The following ASCC3 variants were observed in gnomAD, a reference collection of about 807,000 sequenced individuals.
ASCC3 encodes the protein activating signal cointegrator 1 complex subunit 3, also known as ASC-1 complex subunit P200.
In ASCC3, 158 loss-of-function variants were observed where a neutral mutation model predicts 256.3. The ratio of observed to expected loss-of-function variants is 0.62; its 90% confidence interval spans 0.54 to 0.70. The LOEUF (loss-of-function observed/expected upper bound fraction) is 0.70, where lower values mean the gene tolerates loss of function less well. Among genes scored for constraint, ASCC3 ranks in the 30% least tolerant of loss-of-function variants. The pLI is 0.00. For synonymous variants in ASCC3, 948 were observed against 883.4 expected (o/e 1.07, Z -1.30); for missense variants, 2,259 against 2,626.0 (o/e 0.86, Z 3.05).
intron 10 of ASCC3, among the ~76,000 whole-genome samples, chr6:100,755,201 A>G (rs1486471176): frequency 6.6e-6 from 1 of 152,178 alleles, no homozygotes; most frequent in Admixed American, 6.5e-5. Flanking sequence ...ATGTTCTGGA[A>G]CAGCATTTCT....
chr6:100,592,627 T>C (rs750254050), intron 34 of ASCC3, among the ~76,000 whole-genome samples: 12 of 152,104 alleles, frequency 7.9e-5, no homozygotes, highest in Non-Finnish European at 1.5e-4. Flanking sequence ...TTATATGCTC[T>C]CGATTAGTAG....
At chr6:100,518,562 T>C (rs960642748) in intron 37 of ASCC3, among the ~76,000 whole-genome samples, 5 of 152,096 alleles carry the variant, frequency 3.3e-5, no homozygotes, top group Admixed American at 6.6e-5. Context: ...AAGGAGATAG[T>C]TTTTCTTGCC....
chr6:100,547,641 A>G (rs1477188183), intron 36 of ASCC3, among the ~76,000 whole-genome samples: 2 of 152,052 alleles, frequency 1.3e-5, no homozygotes, highest in African/African-American at 4.8e-5. Context: ...GTGACATAGC[A>G]AGTGTTGGAG....
Position 100,512,709 on chromosome 6 carries a change from C to T in ASCC3, c.6285G>A (p.Lys2095=). Residue 2095 remains lysine (K), a splice_region_variant and synonymous_variant, in exon 40 of 42, where the codon AAG becomes AAA. Coordinates refer to ENST00000369162, the MANE Select transcript of ASCC3 (RefSeq NM_006828.4). ...TGAGAATGGAAACCAAACACTATAC[C>T]TTGTGGAACCCAAAGTGGACTCTCT... is the stretch of plus-strand genomic sequence containing the variant. The part of the protein sequence containing the change: ...SLQRVHFGFH[K]GKPESCAVTP... 6.2e-7 allele frequency: 1 copy of T among 1,613,966 alleles called. No homozygotes were observed. The highest frequency in any genetic ancestry group is 8.5e-7 in the Non-Finnish European group (1 of 1,179,896).
chr6:100,651,414 G>A (rs1194101061), intron 19 of ASCC3, 146 bp downstream of exon 19: 1 of 359,362 alleles, frequency 2.8e-6, no homozygotes, highest in East Asian at 4.6e-5. Flanking sequence ...ATCTAGGACA[G>A]TGGGTCTTAT....
intron 36 of ASCC3, among the ~76,000 whole-genome samples, chr6:100,580,689 G>A (rs1385347958): frequency 5.9e-5 from 9 of 151,356 alleles, no homozygotes; most frequent in Middle Eastern, 6.8e-3. Flanking sequence ...CCACTAACTC[G>A]TCATCTAGCA....
intron 13 of ASCC3, among the ~76,000 whole-genome samples, chr6:100,708,662 G>T (rs1421680747): frequency 6.6e-6 from 1 of 151,900 alleles, no homozygotes; most frequent in African/African-American, 2.4e-5. Context: ...ACAGTACACA[G>T]GACACACCCT....
At chr6:100,750,939 G>A (rs1347382392) in intron 10 of ASCC3, among the ~76,000 whole-genome samples, 1 of 151,900 alleles carries the variant, frequency 6.6e-6, no homozygotes, top group East Asian at 1.9e-4. Context: ...CTTGGGGCAG[G>A]GTTTCTTCAC....
At chr6:100,689,850 T>G (rs993400221) in intron 13 of ASCC3, among the ~76,000 whole-genome samples, 3 of 152,240 alleles carry the variant, frequency 2.0e-5, no homozygotes, top group African/African-American at 7.2e-5. Flanking sequence ...TTTTTGATAG[T>G]GTTATAGAAA....
chr6:100,720,536 A>C lies in ASCC3; in HGVS notation c.1903-2285T>G, dbSNP rs557662792. ...TCAAGTTAGATTAGTTTCGTTTTTG[A>C]AAGAGGGTCAATGATATTTAAAAGG... On this transcript the variant is annotated intron_variant, in intron 11 of 41. Coordinates refer to ENST00000369162, the MANE Select transcript of ASCC3 (RefSeq NM_006828.4). Among the ~76,000 whole-genome samples, 30 of 151,940 alleles carry C rather than the reference A, an allele frequency of 2.0e-4. No homozygotes were observed. In the South Asian group the frequency reaches 5.8e-3, roughly 29 times the overall value.
intron 8 of ASCC3, among the ~76,000 whole-genome samples, chr6:100,786,133 A>T (rs566934161): frequency 8.5e-5 from 13 of 152,276 alleles, no homozygotes; most frequent in Non-Finnish European, 1.6e-4. Flanking sequence ...CTGCACAATC[A>T]TAACAAGCTC....
intron 37 of ASCC3, among the ~76,000 whole-genome samples, chr6:100,525,773 T>C (rs1488804839): frequency 6.6e-6 from 1 of 152,204 alleles, no homozygotes; most frequent in African/African-American, 2.4e-5. Flanking sequence ...AACTTTGTAC[T>C]ATCTTTGCAA....
chr6:100,650,195 T>C (rs1384201201), intron 20 of ASCC3, among the ~76,000 whole-genome samples: 2 of 151,730 alleles, frequency 1.3e-5, no homozygotes, highest in Non-Finnish European at 3.0e-5. Context: ...CAATATTCTT[T>C]AACTTTTCTC....
At chr6:100,542,889 G>T (rs1397935661) in intron 36 of ASCC3, among the ~76,000 whole-genome samples, 1 of 151,854 alleles carries the variant, frequency 6.6e-6, no homozygotes, top group East Asian at 1.9e-4. Flanking sequence ...GAAATGAAGA[G>T]CACTAAAAGT....
At chr6:100,608,258 A>ATATATACTT (rs1314670275) in intron 30 of ASCC3, among the ~76,000 whole-genome samples, 1 of 63,272 alleles carries the variant, frequency 1.6e-5, no homozygotes, top group Non-Finnish European at 2.5e-5. Context: ...TATACTTTAT[A>ATATATACTT]TATACTTTAT....
At chr6:100,731,189 GGA>G (rs1779887851) in intron 10 of ASCC3, among the ~76,000 whole-genome samples, 2 of 152,016 alleles carry the variant, frequency 1.3e-5, no homozygotes, top group South Asian at 4.2e-4. Context: ...TGGGAATTGG[GGA>G]GAGACGTTCT....
chr6:100,828,097 A>AAG (rs1771413534), intron 4 of ASCC3, among the ~76,000 whole-genome samples: 1 of 151,140 alleles, frequency 6.6e-6, no homozygotes, highest in African/African-American at 2.4e-5. Flanking sequence ...TTTTCTAAAA[A>AAG]AAAAAAAAAA....
At chr6:100,709,722 T>C (rs1425971777) in intron 13 of ASCC3, among the ~76,000 whole-genome samples, 2 of 152,182 alleles carry the variant, frequency 1.3e-5, no homozygotes, top group Non-Finnish European at 2.9e-5. Context: ...GGTATAATTA[T>C]AATTTAGTAA....
chr6:100,640,590 T>A (rs1214626878), intron 24 of ASCC3, among the ~76,000 whole-genome samples: 1 of 152,208 alleles, frequency 6.6e-6, no homozygotes, highest in African/African-American at 2.4e-5. Flanking sequence ...AAGCATGTAT[T>A]TTAAATTAAA....
Sources: allele counts gnomAD v4.1 joint callset (sites outside exome capture counted in the v4.1 genomes callset), GRCh38; gene constraint gnomAD v4.1.1; transcripts MANE v1.5; gene names NCBI Gene and HGNC (gene_info 2026-07-23, HGNC 2026-07-21).